Variants in NELL2 observed in about 807,000 individuals in gnomAD.
NELL2 encodes the protein protein kinase C-binding protein NELL2.
Under a neutral mutation model 109.6 loss-of-function variants are expected in NELL2, and 41 were observed. The observed-to-expected ratio is 0.37, with a 90% CI of 0.29 to 0.49. The LOEUF (loss-of-function observed/expected upper bound fraction) is 0.49. Among genes scored for constraint, NELL2 ranks in the 20% least tolerant of loss-of-function variants. The pLI is 0.98. For missense variants in NELL2, 900 were observed against 1,008.3 expected (o/e 0.89, Z 1.45); for synonymous variants, 355 against 344.7 (o/e 1.03, Z -0.33).
At chr12:44,902,793 G>T (rs371117249) in intron 1 of NELL2, among the ~76,000 whole-genome samples, 12 of 152,260 alleles carry the variant, frequency 7.9e-5, no homozygotes, top group East Asian at 5.8e-4. Context: ...AGAAAAACAA[G>T]CAATGGGGAA....
At chr12:44,587,533 A>G (rs555461162) in intron 15 of NELL2, among the ~76,000 whole-genome samples, 1 of 152,084 alleles carries the variant, frequency 6.6e-6, no homozygotes, top group East Asian at 1.9e-4. Flanking sequence ...TTTTCTATTA[A>G]TGTCTAATAA....
intron 2 of NELL2, among the ~76,000 whole-genome samples, chr12:44,866,216 A>C (rs1404653389): frequency 6.6e-6 from 1 of 152,208 alleles, no homozygotes; most frequent in East Asian, 1.9e-4. Flanking sequence ...AATTGTGAGA[A>C]ATAAAAAAAT....
At chr12:44,920,774 A>G (rs1226156694) in intron 1 of NELL2, among the ~76,000 whole-genome samples, 2 of 152,162 alleles carry the variant, frequency 1.3e-5, no homozygotes, top group East Asian at 3.8e-4. Flanking sequence ...TTTGCTTTTA[A>G]TTAGTCTTAT....
chr12:44,852,639 C>T (rs1185144573), intron 2 of NELL2, among the ~76,000 whole-genome samples: 2 of 152,174 alleles, frequency 1.3e-5, no homozygotes, highest in Non-Finnish European at 2.9e-5. Flanking sequence ...CCCAACTTCA[C>T]CCTCTGACTT....
At chr12:44,659,523 C>T (rs185841286) in intron 13 of NELL2, among the ~76,000 whole-genome samples, 2 of 152,088 alleles carry the variant, frequency 1.3e-5, no homozygotes, top group East Asian at 3.9e-4. Flanking sequence ...ACAACTCCAT[C>T]AAAAAGTGGG....
At chr12:44,669,775 T>C (rs780448686) in intron 12 of NELL2, among the ~76,000 whole-genome samples, 2 of 152,156 alleles carry the variant, frequency 1.3e-5, no homozygotes, top group Non-Finnish European at 2.9e-5. Context: ...GGAAACTATA[T>C]AGTAACTAAA....
At chr12:44,714,518 ATAAT>A in intron 10 of NELL2, 128 bp downstream of exon 10, 1 of 541,690 alleles carries the variant, frequency 1.8e-6, no homozygotes, top group Non-Finnish European at 3.3e-6. Flanking sequence ...CATTCAAATG[ATAAT>A]TAATATTGTG....
At chr12:44,735,111 C>T (rs183683603) in intron 9 of NELL2, among the ~76,000 whole-genome samples, 71 of 152,084 alleles carry the variant, frequency 4.7e-4, no homozygotes, top group Admixed American at 2.1e-3. Context: ...TTCACTTTAC[C>T]GTGTCTAGAT....
chr12:44,526,637 T>C (rs1052091094), intron 16 of NELL2, among the ~76,000 whole-genome samples: 5 of 152,214 alleles, frequency 3.3e-5, no homozygotes, highest in African/African-American at 1.2e-4. Flanking sequence ...AGTGATTTGT[T>C]GGCTTTGAAG....
intron 13 of NELL2, among the ~76,000 whole-genome samples, chr12:44,640,880 T>C (rs935855215): frequency 3.9e-5 from 6 of 152,172 alleles, no homozygotes; most frequent in African/African-American, 1.4e-4. Context: ...AACATGTAAC[T>C]GAAGATGTTA....
intron 2 of NELL2, among the ~76,000 whole-genome samples, chr12:44,839,328 A>G (rs1371509581): frequency 6.6e-6 from 1 of 152,226 alleles, no homozygotes; most frequent in East Asian, 1.9e-4. Flanking sequence ...GCTTAAAATA[A>G]TGGCGATAAA....
intron 11 of NELL2, among the ~76,000 whole-genome samples, chr12:44,709,652 G>A (rs539061987): frequency 6.6e-6 from 1 of 152,258 alleles, no homozygotes; most frequent in South Asian, 2.1e-4. Flanking sequence ...GGTCCTGCTT[G>A]CCATCAGCAT....
intron 15 of NELL2, among the ~76,000 whole-genome samples, chr12:44,574,177 C>T (rs1283075957): frequency 6.6e-6 from 1 of 151,888 alleles, no homozygotes; most frequent in South Asian, 2.1e-4. Context: ...GATCTCGGCT[C>T]ACTGCAACCT....
chr12:44,863,271 A>G (rs1488226016), intron 2 of NELL2, among the ~76,000 whole-genome samples: 1 of 152,206 alleles, frequency 6.6e-6, no homozygotes, highest in Non-Finnish European at 1.5e-5. Context: ...AGCAGAAAAC[A>G]TTTCAAATCT....
intron 3 of NELL2, 26 bp from the exon 4 acceptor site, chr12:44,780,048 C>A (rs768069804): frequency 1.2e-6 from 2 of 1,605,914 alleles, no homozygotes; most frequent in Non-Finnish European, 1.7e-6. Context: ...CCACATGGGA[C>A]ACATTAAAAA....
chr12:44,677,406 A>C (rs936336386), intron 12 of NELL2, among the ~76,000 whole-genome samples: 2 of 152,066 alleles, frequency 1.3e-5, no homozygotes, highest in African/African-American at 4.8e-5. Flanking sequence ...AGTCATAGTC[A>C]CTCAGTTCTC....
chr12:44,620,292 G>C (rs929709247), intron 13 of NELL2, among the ~76,000 whole-genome samples: 1 of 152,008 alleles, frequency 6.6e-6, no homozygotes, highest in Non-Finnish European at 1.5e-5. Flanking sequence ...GTAAACCCGT[G>C]GGTCTAATTC....
intron 2 of NELL2, among the ~76,000 whole-genome samples, chr12:44,843,001 G>A (rs1399669514): frequency 6.6e-6 from 1 of 152,178 alleles, no homozygotes; most frequent in Non-Finnish European, 1.5e-5. Flanking sequence ...GGCCTTGCGT[G>A]AGAGAATAAA....
At position 44,779,717 on chromosome 12, in the gene NELL2, A is replaced by C. The variant is rs1371922705; in HGVS notation, c.552T>G (p.Pro184=). ...RVVEKPSTDL[P]LGTTFWLGQR... is the part of the protein sequence containing the mutation. ...GTCCTAGCCAAAATGTTGTGCCTAG[A>C]GGCAAGTCTGTGGAGGGCTTTTCTA... is the stretch of plus-strand genomic sequence containing the variant. The change falls in exon 5 of 20, where the codon CCT becomes CCG. Residue 184 remains proline, a synonymous_variant. Coordinates refer to ENST00000429094, the MANE Select transcript of NELL2 (RefSeq NM_001145108.2). 1.2e-6 allele frequency: 2 copies of C among 1,614,026 alleles called. No individual in the cohort carries two copies. The highest frequency in any genetic ancestry group is 2.2e-5 in the South Asian group (2 of 91,088).
Sources: allele counts gnomAD v4.1 joint callset (sites outside exome capture counted in the v4.1 genomes callset), GRCh38; gene constraint gnomAD v4.1.1; transcripts MANE v1.5; gene names NCBI Gene and HGNC (gene_info 2026-07-23, HGNC 2026-07-21).